NME9: variants seen among roughly 807,000 people sequenced by gnomAD.
The protein encoded by NME9 is NME/NM23 family member 9, also known as thioredoxin domain-containing protein 6.
Under a neutral mutation model 44.4 loss-of-function variants are expected in NME9, and 48 were observed. The ratio of observed to expected loss-of-function variants is 1.08; its 90% CI spans 0.86 to 1.37. The LOEUF is 1.37. Among genes scored for constraint, NME9 ranks in the 40% most tolerant of loss-of-function variants. NME9 has a pLI of 0.00. For synonymous variants in NME9, 139 were observed against 147.1 expected, an observed-to-expected ratio of 0.94 and a Z score of 0.40; for missense variants, 325 against 405.2, an observed-to-expected ratio of 0.80 and a Z score of 1.70.
chr3:138,297,504 C>G (rs2051589340), downstream of NME9: 1 of 151,960 alleles, frequency 6.6e-6, no homozygotes, highest in Non-Finnish European at 1.5e-5. Flanking sequence ...TGGGGTTGCT[C>G]ACACTGCAGC....
intron 8 of NME9, among the ~76,000 whole-genome samples, chr3:138,271,798 C>CTTTCTTTTTTTTTTT (rs1018824241): frequency 1.5e-4 from 20 of 136,132 alleles, no homozygotes; most frequent in African/African-American, 5.7e-4. Flanking sequence ...TTTTTTCTTT[C>CTTTCTTTTTTTTTTT]TTTTTTTTTT....
chr3:138,320,899 A>G (rs955119799), intron 2 of NME9, among the ~76,000 whole-genome samples: 3 of 152,358 alleles, frequency 2.0e-5, no homozygotes, highest in East Asian at 1.9e-4. Context: ...TCACTAGGCA[A>G]TGAGGATTCA....
At chr3:138,273,226 T>C in intron 8 of NME9, 1 of 1,139,934 alleles carries the variant, frequency 8.8e-7, no homozygotes, top group Non-Finnish European at 1.2e-6. Context: ...GTGATTCAAA[T>C]GCTGCCCCCT....
In NME9 at chr3:138,284,666, T is replaced by C; in HGVS notation, c.745+18841A>G. The C allele has an allele frequency of 6.2e-6, 4 of 646,784 alleles. No individual in the cohort carries two copies. The South Asian group carries it at 8.9e-5, about 14-fold the overall frequency. The allele number at this position is 646,784 out of a possible 1,614,324, so 40.1% of individuals were successfully genotyped here. ...ACTCCTCAGATTCAAAGAACTCTCT[T>C]CCATCCTGAAGAAAAAGAAAAAAAC... On this transcript the variant is annotated intron_variant, in intron 8 of 8. Coordinates refer to the NME9 transcript ENST00000317876.
intron 4 of NME9, among the ~76,000 whole-genome samples, chr3:138,316,022 C>T (rs556115654): frequency 3.9e-5 from 6 of 152,138 alleles, no homozygotes; most frequent in Admixed American, 1.3e-4. Context: ...TTAGTAGAGA[C>T]GGGGTTTCAC....
At chr3:138,295,389 C>G (rs2051386548) in intron 8 of NME9, among the ~76,000 whole-genome samples, 1 of 152,202 alleles carries the variant, frequency 6.6e-6, no homozygotes, top group Non-Finnish European at 1.5e-5. Context: ...TTGGCCCCTT[C>G]CATGCACCTT....
intron 8 of NME9, among the ~76,000 whole-genome samples, chr3:138,292,814 G>A (rs187913217): frequency 4.6e-5 from 7 of 152,178 alleles, no homozygotes; most frequent in Admixed American, 2.0e-4. Context: ...GAGAAAGGAG[G>A]ACTAAGGACC....
chr3:138,303,429 C>T (rs2051983127), intron 10 of NME9, 78 bp downstream of exon 10: 4 of 1,165,698 alleles, frequency 3.4e-6, no homozygotes, highest in East Asian at 2.4e-5. Flanking sequence ...TTATCAATCC[C>T]CCACACACTC....
chr3:138,264,035 T>G (rs1002497492), intron 8 of NME9: 19 of 1,150,238 alleles, frequency 1.7e-5, no homozygotes, highest in Non-Finnish European at 2.5e-5. Flanking sequence ...TAGATATGCT[T>G]GAAGTGTACA....
intron 4 of NME9, among the ~76,000 whole-genome samples, chr3:138,316,768 C>A (rs1446144944): frequency 6.6e-6 from 1 of 152,156 alleles, no homozygotes. Context: ...ACACCCGCCA[C>A]CAGGCCTGGC....
At chr3:138,318,367 T>C in intron 3 of NME9, 148 bp from the exon 4 acceptor site, 1 of 660,516 alleles carries the variant, frequency 1.5e-6, no homozygotes, top group South Asian at 1.7e-5. Context: ...TTCCTGCTAA[T>C]CAGAGCTGTC....
chr3:138,288,952 A>G (rs932351888), intron 8 of NME9: 4 of 967,952 alleles, frequency 4.1e-6, no homozygotes, highest in Non-Finnish European at 4.7e-6. Flanking sequence ...TCAGACTTTT[A>G]GGTTATAGGA....
intron 6 of NME9, among the ~76,000 whole-genome samples, chr3:138,313,317 GGGAGGCAGA>G (rs2052831968): frequency 1.3e-5 from 2 of 152,246 alleles, no homozygotes; most frequent in South Asian, 4.1e-4. Context: ...GCTTGAACCT[GGGAGGCAGA>G]GGTTGCAGTG....
At chr3:138,277,227 A>T in intron 8 of NME9, among the ~76,000 whole-genome samples, 1 of 152,214 alleles carries the variant, frequency 6.6e-6, no homozygotes, top group East Asian at 1.9e-4. Flanking sequence ...AAAAAAAATT[A>T]ACTTTGAACT....
chr3:138,325,887 C>T (rs368540924), intron 1 of NME9, among the ~76,000 whole-genome samples: 19 of 148,584 alleles, frequency 1.3e-4, no homozygotes, highest in East Asian at 9.8e-4. Context: ...TAACACATTA[C>T]GATAATCAAA....
chr3:138,329,567 C>G lies in NME9; in HGVS notation c.-232G>C, dbSNP rs1168620964. 5 of 1,312,040 alleles carry G rather than the reference C, an allele frequency of 3.8e-6. No individual in the cohort carries two copies. In the African/African-American group the frequency reaches 7.7e-5, roughly 20 times the overall value. The allele number at this position is 1,312,040 out of a possible 1,614,324, so 81.3% of individuals were successfully genotyped here. ...GCCTGCAGTCCACGGGCTCGTGGCTCGCCGGGCGGTTTTCTGGGGATCTGC... is the reference window on the plus strand; with the variant it reads ...GCCTGCAGTCCACGGGCTCGTGGCTGGCCGGGCGGTTTTCTGGGGATCTGC... On this transcript the variant is annotated 5_prime_UTR_variant, in exon 1 of 11. Coordinates refer to ENST00000333911, the MANE Select transcript of NME9 (RefSeq NM_001349018.2).
At chr3:138,286,073 A>G (rs2050378170) in intron 8 of NME9, among the ~76,000 whole-genome samples, 1 of 152,112 alleles carries the variant, frequency 6.6e-6, no homozygotes, top group African/African-American at 2.4e-5. Context: ...CCTCCTGAGT[A>G]GCTGGGATTA....
chr3:138,307,820 C>T (rs540633534), intron 6 of NME9, among the ~76,000 whole-genome samples: 1 of 152,066 alleles, frequency 6.6e-6, no homozygotes. Context: ...TCTCAGAAAC[C>T]GGAAGAGAAG....
chr3:138,275,055 G>A (rs1286704942), intron 8 of NME9, among the ~76,000 whole-genome samples: 1 of 152,152 alleles, frequency 6.6e-6, no homozygotes, highest in Non-Finnish European at 1.5e-5. Flanking sequence ...AGGTATTAAA[G>A]TACGAAGCTG....
Sources: allele counts gnomAD v4.1 joint callset (sites outside exome capture counted in the v4.1 genomes callset), GRCh38; gene constraint gnomAD v4.1.1; transcripts MANE v1.5; gene names NCBI Gene and HGNC (gene_info 2026-07-23, HGNC 2026-07-21).